CDYL: variants seen among roughly 807,000 people sequenced by gnomAD.
CDYL encodes the protein chromodomain Y-like protein.
Under a neutral mutation model 47.3 loss-of-function variants are expected in CDYL, and 8 were observed. That is an observed-to-expected ratio of 0.17 (90% CI 0.10 to 0.31). CDYL has a LOEUF of 0.31. CDYL is among the 10% of genes least tolerant of loss of function. The probability of loss-of-function intolerance (pLI) is 1.00; values close to 1 mark genes in which losing one functional copy is unlikely to be tolerated. For synonymous variants in CDYL, 266 were observed against 265.0 expected (o/e 1.00, Z -0.04); for missense variants, 471 against 701.4 (o/e 0.67, Z 3.71).
chr6:4,773,710 G>A (rs1048443925), upstream of CDYL, among the ~76,000 whole-genome samples: 2 of 152,120 alleles, frequency 1.3e-5, no homozygotes, highest in Non-Finnish European at 2.9e-5. The surrounding 1 kb of genome is among the most constrained non-coding windows in gnomAD (Gnocchi z 4.6). Context: ...CATCTCCTTC[G>A]CCAGTGGAAG....
chr6:4,867,133 T>C (rs1457127180), intron 1 of CDYL, among the ~76,000 whole-genome samples: 1 of 152,164 alleles, frequency 6.6e-6, no homozygotes, highest in Non-Finnish European at 1.5e-5. Context: ...AAATACTTGT[T>C]GTAACTGTAG....
chr6:4,890,685 C>T (rs1013701447), intron 1 of CDYL, among the ~76,000 whole-genome samples: 1 of 152,164 alleles, frequency 6.6e-6, no homozygotes, highest in African/African-American at 2.4e-5. Flanking sequence ...CCAGGCATGC[C>T]ACAGTTTCGC....
At chr6:4,826,905 T>TAC (rs1759996240) in intron 1 of CDYL, among the ~76,000 whole-genome samples, 1 of 152,242 alleles carries the variant, frequency 6.6e-6, no homozygotes, top group Admixed American at 6.5e-5. Context: ...AAATGTAGTG[T>TAC]ATTGAATTCT....
intron 1 of CDYL, among the ~76,000 whole-genome samples, chr6:4,833,113 A>G (rs1378669532): frequency 7.0e-6 from 1 of 142,996 alleles, no homozygotes; most frequent in African/African-American, 2.8e-5. Flanking sequence ...GCCTTCTGCT[A>G]GCTTTTGAAT....
At chr6:4,950,310 G>C in intron 5 of CDYL, among the ~76,000 whole-genome samples, 1 of 152,298 alleles carries the variant, frequency 6.6e-6, no homozygotes, top group Non-Finnish European at 1.5e-5. Flanking sequence ...GCTTGCCTCC[G>C]CTGCCCAAGC....
chr6:4,897,867 C>T (rs60664687), intron 2 of CDYL, among the ~76,000 whole-genome samples: 4,755 of 149,666 alleles, frequency 0.032, 234 homozygotes, highest in African/African-American at 0.11. Context: ...ACCATCCTGG[C>T]TAACAGTGAA....
intron 4 of CDYL, among the ~76,000 whole-genome samples, chr6:4,942,973 T>A (rs1207739717): frequency 6.6e-6 from 1 of 152,232 alleles, no homozygotes; most frequent in Non-Finnish European, 1.5e-5. Flanking sequence ...CCCAGACTGT[T>A]CAGTCCACTT....
intron 2 of CDYL, among the ~76,000 whole-genome samples, chr6:4,916,058 A>G (rs1434133055): frequency 6.6e-6 from 1 of 152,106 alleles, no homozygotes; most frequent in Non-Finnish European, 1.5e-5. Flanking sequence ...AAACCAATGT[A>G]TACCTTACAT....
intron 2 of CDYL, among the ~76,000 whole-genome samples, chr6:4,927,474 G>A (rs943025342): frequency 8.7e-6 from 1 of 114,998 alleles, no homozygotes; most frequent in South Asian, 2.5e-4. Context: ...TTGAGACGGA[G>A]TCTCACTCTG....
intron 1 of CDYL, among the ~76,000 whole-genome samples, chr6:4,856,412 A>G (rs563972960): frequency 1.3e-5 from 2 of 152,306 alleles, no homozygotes; most frequent in East Asian, 1.9e-4. Flanking sequence ...GGAAGTGCAC[A>G]GTCCCTGAAT....
At chr6:4,729,452 C>G (rs1230503418) in intron 2 of CDYL, among the ~76,000 whole-genome samples, 1 of 151,864 alleles carries the variant, frequency 6.6e-6, no homozygotes, top group African/African-American at 2.4e-5. Context: ...AAAGCCCAGA[C>G]CAACTGGGAT....
At chr6:4,883,985 T>A (rs1235395875) in intron 1 of CDYL, among the ~76,000 whole-genome samples, 1 of 152,168 alleles carries the variant, frequency 6.6e-6, no homozygotes, top group Non-Finnish European at 1.5e-5. Flanking sequence ...GAGGGATCAT[T>A]GACTCACCAT....
chr6:4,857,358 T>C (rs933562602), intron 1 of CDYL, among the ~76,000 whole-genome samples: 3 of 152,194 alleles, frequency 2.0e-5, no homozygotes, highest in African/African-American at 2.4e-5. Context: ...ACAATGCGTT[T>C]TTATATACAC....
intron 2 of CDYL, among the ~76,000 whole-genome samples, chr6:4,724,050 T>G (rs1214973784): frequency 6.6e-6 from 1 of 152,016 alleles, no homozygotes; most frequent in African/African-American, 2.4e-5. Flanking sequence ...TCACTTTTTG[T>G]GCGCGTTTGA....
At chr6:4,899,842 G>C (rs937822138) in intron 2 of CDYL, among the ~76,000 whole-genome samples, 1 of 152,200 alleles carries the variant, frequency 6.6e-6, no homozygotes, top group African/African-American at 2.4e-5. Flanking sequence ...GAAGAGTCAC[G>C]TGTGAGCTGT....
At chr6:4,776,828 C>CA in intron 1 of CDYL, 21 bp downstream of exon 1, 1 of 965,942 alleles carries the variant, frequency 1.0e-6, no homozygotes, top group Non-Finnish European at 1.2e-6. Flanking sequence ...TCCCCCCGGC[C>CA]TCGGGCCGCC....
chr6:4,830,620 T>C (rs747570492), intron 1 of CDYL, among the ~76,000 whole-genome samples: 26 of 152,152 alleles, frequency 1.7e-4, no homozygotes, highest in South Asian at 2.1e-4. Context: ...TTCATTATTA[T>C]ACTTTAAGTT....
At position 4,834,836 on chromosome 6, in the gene CDYL, G is replaced by T. The variant is rs374896259; in HGVS notation, c.25-56877G>T. 4.8e-4 allele frequency among the ~76,000 whole-genome samples: 72 copies of T among 151,184 alleles called. No individual in the cohort carries two copies. The East Asian group carries it at 7.4e-3, about 15-fold the overall frequency. On this transcript the variant is annotated intron_variant, in intron 1 of 6. Transcript: ENST00000397588. Reference sequence around the variant, plus strand: ...CATTTCATTCATTTCATCTTCCATCGCTGATACCCTTTCTTCCAGTTGATC... The same window carrying T: ...CATTTCATTCATTTCATCTTCCATCTCTGATACCCTTTCTTCCAGTTGATC...
At chr6:4,721,309 G>A (rs1158700728) in intron 2 of CDYL, among the ~76,000 whole-genome samples, 1 of 151,664 alleles carries the variant, frequency 6.6e-6, no homozygotes, top group African/African-American at 2.4e-5. Flanking sequence ...AATCTTCTCT[G>A]TATCTTTCCA....
Sources: gnomAD v4.1 joint callset for allele counts (sites outside exome capture counted in the v4.1 genomes callset) on GRCh38, gnomAD v4.1.1 for gene constraint, Gnocchi (gnomAD v3.1) non-coding constraint, MANE v1.5 for transcripts, NCBI Gene and HGNC (gene_info 2026-07-23, HGNC 2026-07-21) for gene names.